CSMD1: variants seen among roughly 807,000 people sequenced by gnomAD.
The protein encoded by CSMD1 is CUB and sushi domain-containing protein 1.
CSMD1 carries 213 observed loss-of-function variants against 417.5 expected under a neutral mutation model. The ratio of observed to expected loss-of-function variants is 0.51; its 90% CI spans 0.46 to 0.57. The LOEUF (loss-of-function observed/expected upper bound fraction) is 0.57. Ranked by LOEUF, CSMD1 falls within the 20% of genes least tolerant of loss-of-function variation. The probability of loss-of-function intolerance (pLI) is 0.00; values close to 1 mark genes in which losing one functional copy is unlikely to be tolerated. For missense variants in CSMD1, 6,923 were observed against 4,529.7 expected (o/e 1.53, Z -15.17); for synonymous variants, 2,862 against 1,736.8 (o/e 1.65, Z -16.11).
At chr8:4,338,256 T>A (rs1563070473) in intron 3 of CSMD1, among the ~76,000 whole-genome samples, 1 of 152,294 alleles carries the variant, frequency 6.6e-6, no homozygotes, top group South Asian at 2.1e-4. Context: ...AGTTGCAATA[T>A]TCCATAGTTG....
intron 5 of CSMD1, among the ~76,000 whole-genome samples, chr8:3,895,787 C>T (rs1161091053): frequency 6.6e-6 from 1 of 152,170 alleles, no homozygotes; most frequent in South Asian, 2.1e-4. Context: ...ACGGTCATAA[C>T]TCTTCACACT....
At chr8:3,267,689 G>C (rs1000470691) in intron 26 of CSMD1, among the ~76,000 whole-genome samples, 1 of 152,216 alleles carries the variant, frequency 6.6e-6, no homozygotes, top group Non-Finnish European at 1.5e-5. Flanking sequence ...AGAAGCAGCA[G>C]TATAGAGTAA....
rs145387128 is a variant in CSMD1, at chr8:4,001,691, A to G, written c.611-3581T>C. 4.5e-4 allele frequency among the ~76,000 whole-genome samples: 69 copies of G among 152,296 alleles called. 1 individual carries two copies. The highest frequency in any genetic ancestry group is 6.8e-3 in the Middle Eastern group (2 of 294). On this transcript the variant is annotated intron_variant, in intron 4 of 69. Coordinates refer to ENST00000635120, the MANE Select transcript of CSMD1 (RefSeq NM_033225.6). ...ATTTTCCTAGAATTTCCGTTGATGA[A>G]TGAGTGGATCATGGAGACCCATAGT...
intron 3 of CSMD1, among the ~76,000 whole-genome samples, chr8:4,212,674 A>T (rs1052545105): frequency 6.6e-6 from 1 of 151,876 alleles, no homozygotes; most frequent in Non-Finnish European, 1.5e-5. Flanking sequence ...AAAATCTAAG[A>T]ACAGAAATAA....
chr8:3,130,978 T>C (rs962586103), intron 41 of CSMD1, among the ~76,000 whole-genome samples: 2 of 152,360 alleles, frequency 1.3e-5, no homozygotes, highest in South Asian at 4.1e-4. Context: ...GTCATTGTCA[T>C]TCTCACTTTA....
At chr8:3,443,552 T>A (rs1351464637) in intron 12 of CSMD1, among the ~76,000 whole-genome samples, 1 of 152,198 alleles carries the variant, frequency 6.6e-6, no homozygotes, top group Non-Finnish European at 1.5e-5. Flanking sequence ...AATTAGTATT[T>A]ACAGGGGGAA....
chr8:4,788,646 G>C (rs1269618445), intron 1 of CSMD1: 5 of 702,826 alleles, frequency 7.1e-6, no homozygotes, highest in Middle Eastern at 8.6e-4. Flanking sequence ...TTAGCTGAAG[G>C]AAAATCAAGC....
At chr8:4,690,485 T>G (rs1170066740) in intron 1 of CSMD1, among the ~76,000 whole-genome samples, 1 of 152,180 alleles carries the variant, frequency 6.6e-6, no homozygotes, top group African/African-American at 2.4e-5. Context: ...AAAGTTTTAC[T>G]GGGTAATATA....
At position 4,614,904 on chromosome 8, in the gene CSMD1, G is replaced by T. The variant is rs371871837; in HGVS notation, c.302+22438C>A. 5.3e-5 allele frequency among the ~76,000 whole-genome samples: 8 copies of T among 152,162 alleles called. No homozygotes were observed. The East Asian group carries it at 1.2e-3, about 22-fold the overall frequency. On this transcript the variant is annotated intron_variant, in intron 2 of 69. Coordinates refer to ENST00000635120, the MANE Select transcript of CSMD1 (RefSeq NM_033225.6). ...AATATTTTCTCTAGAGTAAAAAATT[G>T]TTCACCAATCTCAGATAATTTTCAA...
intron 3 of CSMD1, among the ~76,000 whole-genome samples, chr8:4,343,547 A>T (rs1159071435): frequency 6.6e-6 from 1 of 152,160 alleles, no homozygotes; most frequent in Non-Finnish European, 1.5e-5. Flanking sequence ...ATACAATGTT[A>T]CTTGTCAATT....
At chr8:4,512,698 C>G (rs911622252) in intron 2 of CSMD1, among the ~76,000 whole-genome samples, 3 of 151,590 alleles carry the variant, frequency 2.0e-5, no homozygotes, top group South Asian at 2.1e-4. Context: ...TTAGCATACC[C>G]CAAAATGAAA....
chr8:4,528,115 C>G (rs571102091), intron 2 of CSMD1, among the ~76,000 whole-genome samples: 1 of 152,208 alleles, frequency 6.6e-6, no homozygotes, highest in Non-Finnish European at 1.5e-5. Context: ...TGTTCTGGTT[C>G]TGACTTTCAT....
intron 1 of CSMD1, among the ~76,000 whole-genome samples, chr8:4,803,112 T>C (rs766192272): frequency 5.3e-5 from 8 of 152,180 alleles, no homozygotes; most frequent in Non-Finnish European, 1.2e-4. Context: ...ATTTAAAAGA[T>C]CATGTATATG....
chr8:4,957,361 G>A (rs112568814), intron 1 of CSMD1, among the ~76,000 whole-genome samples: 3,294 of 152,240 alleles, frequency 0.022, 112 homozygotes, highest in African/African-American at 0.074. Context: ...TTGGCAGTTT[G>A]TGAAAAATTA....
At chr8:3,720,175 G>A (rs2129044161) in intron 6 of CSMD1, among the ~76,000 whole-genome samples, 1 of 152,260 alleles carries the variant, frequency 6.6e-6, no homozygotes, top group South Asian at 2.1e-4. Context: ...AGGAAGCTGG[G>A]GATGAACCTC....
chr8:3,956,809 C>G (rs1046965094), intron 5 of CSMD1, among the ~76,000 whole-genome samples: 1 of 152,134 alleles, frequency 6.6e-6, no homozygotes, highest in Non-Finnish European at 1.5e-5. Context: ...GAAGGACACC[C>G]AGCCGTTACG....
intron 3 of CSMD1, among the ~76,000 whole-genome samples, chr8:4,281,517 C>T (rs2128859911): frequency 6.6e-6 from 1 of 152,306 alleles, no homozygotes; most frequent in South Asian, 2.1e-4. Flanking sequence ...ATATCTTATG[C>T]ATTGAAGCTC....
intron 5 of CSMD1, among the ~76,000 whole-genome samples, chr8:3,984,878 T>A (rs764086122): frequency 1.3e-5 from 2 of 151,610 alleles, no homozygotes; most frequent in Non-Finnish European, 2.9e-5. Context: ...AAAGTTTGAA[T>A]CTATGTCCAT....
chr8:4,089,702 G>A (rs1434155032), intron 3 of CSMD1, among the ~76,000 whole-genome samples: 2 of 152,146 alleles, frequency 1.3e-5, no homozygotes, highest in East Asian at 1.9e-4. Context: ...GCCCAACACA[G>A]AAAGCTAGCT....
Sources: allele counts gnomAD v4.1 joint callset (sites outside exome capture counted in the v4.1 genomes callset), GRCh38; gene constraint gnomAD v4.1.1; transcripts MANE v1.5; gene names NCBI Gene and HGNC (gene_info 2026-07-23, HGNC 2026-07-21).